The following FSD1L variants were observed in gnomAD, a reference collection of about 807,000 sequenced individuals.
FSD1L encodes fibronectin type III and SPRY domain containing 1 like.
A neutral mutation model predicts 71.6 loss-of-function variants in FSD1L; 45 were observed. The observed-to-expected ratio is 0.63, with a 90% CI of 0.49 to 0.81. The LOEUF (loss-of-function observed/expected upper bound fraction) is 0.81. Among genes scored for constraint, FSD1L ranks in the 30% least tolerant of loss-of-function variants. The pLI is 0.00. For synonymous variants in FSD1L, 197 were observed against 207.2 expected (o/e 0.95, Z 0.42); for missense variants, 561 against 618.1 (o/e 0.91, Z 0.98).
At position 105,484,463 on chromosome 9, in the gene FSD1L, C is replaced by T; in HGVS notation, c.547C>T (p.Gln183Ter). 2 of 1,530,162 alleles carry T rather than the reference C, an allele frequency of 1.3e-6. No individual in the cohort carries two copies. Among genetic ancestry groups the T allele is most frequent in the Non-Finnish European group, 1.8e-6 (2 of 1,138,616 alleles). 94.8% of individuals were successfully genotyped at this position (1,530,162 alleles called of 1,614,324 possible). Residue 183 changes from glutamine (Q) to a stop codon, truncating the protein, a stop_gained, in exon 7 of 14, where the codon CAG becomes TAG. Transcript: ENST00000481272. LOFTEE classifies it high-confidence loss of function. ...GACTCATTTAATGGTGGATTTCTCA[C>T]AGGAAAGACAGATGCTGCAAACTTT... ...NMTHLMVDFS[Q>*]ERQMLQTLKF...
chr9:105,535,075 G>A lies in FSD1L; in HGVS notation c.1135G>A (p.Ala379Thr). 6.4e-7 allele frequency: 1 copy of A among 1,551,528 alleles called. No homozygotes were observed. Among genetic ancestry groups the A allele is most frequent in the Non-Finnish European group, 8.7e-7 (1 of 1,146,890 alleles). The change falls in exon 12 of 14, where the codon GCT (alanine) becomes ACT (threonine). Residue 379 changes from alanine to threonine, a missense_variant. Ala to Thr is a moderately conservative substitution (Grantham distance 58). Transcript: ENST00000481272. ...TTTCTGATCTTTTGTAGGAGACACT[G>A]CTATTGAAAGTGGACAACATTATTG... is the stretch of plus-strand genomic sequence containing the variant. The part of the protein sequence containing the change: ...GESYTVLGDT[A>T]IESGQHYWEV...
In FSD1L at chr9:105,552,107, T is replaced by G. The variant is rs1239010530; in HGVS notation, c.*5624T>G. ...TATCTGAATCTACAGATTTAGTATGTCTATTATCTGGACATGATTTTGCTA... is the reference window on the plus strand; with the variant it reads ...TATCTGAATCTACAGATTTAGTATGGCTATTATCTGGACATGATTTTGCTA... On this transcript the variant is annotated 3_prime_UTR_variant, in exon 14 of 14. Coordinates refer to ENST00000481272, the MANE Select transcript of FSD1L (RefSeq NM_001145313.3). 1 of 152,240 alleles carries G rather than the reference T, an allele frequency of 6.6e-6. No homozygotes were observed. Among genetic ancestry groups the G allele is most frequent in the African/African-American group, 2.4e-5 (1 of 41,456 alleles). The allele number at this position is 152,240 out of a possible 1,614,324, so 9.4% of individuals were successfully genotyped here.
intron 7 of FSD1L, among the ~76,000 whole-genome samples, chr9:105,502,570 A>G (rs576379618): frequency 7.7e-4 from 117 of 152,290 alleles, no homozygotes; most frequent in Non-Finnish European, 1.4e-3. Flanking sequence ...CCTAAAATCC[A>G]GTGTATACAT....
intron 7 of FSD1L, among the ~76,000 whole-genome samples, chr9:105,496,867 G>A (rs1833444816): frequency 6.6e-6 from 1 of 152,158 alleles, no homozygotes; most frequent in Non-Finnish European, 1.5e-5. Context: ...ACCTTGTATT[G>A]TCGTACTGCA....
chr9:105,544,896 T>G (rs1270926905), intron 13 of FSD1L, among the ~76,000 whole-genome samples: 2 of 152,178 alleles, frequency 1.3e-5, no homozygotes, highest in Non-Finnish European at 2.9e-5. Flanking sequence ...CTTAGGATTG[T>G]CTTGGCAATG....
At chr9:105,522,014 C>T in intron 10 of FSD1L, 2 of 1,613,146 alleles carry the variant, frequency 1.2e-6, no homozygotes, top group Non-Finnish European at 1.7e-6. Flanking sequence ...TTGTGTTGCT[C>T]AGAGTCACGG....
At chr9:105,461,966 A>AG (rs1830728271) in intron 2 of FSD1L, among the ~76,000 whole-genome samples, 1 of 152,042 alleles carries the variant, frequency 6.6e-6, no homozygotes, top group South Asian at 2.1e-4. Context: ...CAAAAAAAAA[A>AG]AAAAGGCTTC....
chr9:105,487,393 A>G (rs190922631), intron 7 of FSD1L, among the ~76,000 whole-genome samples: 3 of 151,086 alleles, frequency 2.0e-5, no homozygotes, highest in Admixed American at 1.3e-4. Context: ...GAATGCCTGT[A>G]TTGTTATACT....
In FSD1L at chr9:105,461,581, T is replaced by TGATC; in HGVS notation, c.77_78insGATC (p.Ile26MetfsTer10). ...AAAGCCTGTTTTCTGATCTCTAACA[T>TGATC]CACTATTGGACCAGAGTCTATTAAC... is the stretch of plus-strand genomic sequence containing the variant. On this transcript the variant is annotated frameshift_variant, in exon 2 of 14. Transcript: ENST00000481272. LOFTEE classifies it high-confidence loss of function. The TGATC allele has an allele frequency of 6.4e-7, 1 of 1,551,704 alleles. No homozygotes were observed. The highest frequency in any genetic ancestry group is 1.2e-5 in the South Asian group (1 of 84,052).
rs145926775 is a variant in FSD1L, at chr9:105,505,349, C to G, written c.587-1050C>G. ...GATCTCGGCTCACTGCAATCTCTGC[C>G]TCCTGGGTTCAAGCAATTCTTCTGC... On this transcript the variant is annotated intron_variant, in intron 7 of 13. Transcript: ENST00000481272. Among the ~76,000 whole-genome samples the G allele has an allele frequency of 1.6e-3, 237 of 152,302 alleles. 5 individuals carry two copies. In the East Asian group the frequency reaches 0.035, roughly 23 times the overall value.
intron 7 of FSD1L, among the ~76,000 whole-genome samples, chr9:105,495,389 C>T (rs1340494253): frequency 6.6e-6 from 1 of 152,174 alleles, no homozygotes; most frequent in Non-Finnish European, 1.5e-5. Context: ...CCTGATTTTC[C>T]AGGTGCCGTC....
intron 10 of FSD1L, chr9:105,522,295 A>T (rs1000440515): frequency 9.9e-6 from 16 of 1,613,824 alleles, no homozygotes; most frequent in Admixed American, 6.7e-5. Context: ...TATAGTTTGG[A>T]TCTCAGTGAT....
intron 6 of FSD1L, among the ~76,000 whole-genome samples, chr9:105,481,363 C>T (rs1832191699): frequency 6.6e-6 from 1 of 151,070 alleles, no homozygotes; most frequent in Admixed American, 6.6e-5. Context: ...TGGCTCACTG[C>T]AGCCTCTGCC....
At chr9:105,544,635 T>C (rs1254625368) in intron 13 of FSD1L, among the ~76,000 whole-genome samples, 1 of 152,210 alleles carries the variant, frequency 6.6e-6, no homozygotes, top group Non-Finnish European at 1.5e-5. Context: ...AGTTTCAGCT[T>C]TCTACATATG....
At position 105,548,532 on chromosome 9, in the gene FSD1L, A is replaced by G. The variant is rs965954771; in HGVS notation, c.*2049A>G. The G allele has an allele frequency of 1.3e-5, 2 of 152,440 alleles. No homozygotes were observed. Among genetic ancestry groups the G allele is most frequent in the Non-Finnish European group, 2.9e-5 (2 of 67,936 alleles). 9.4% of individuals were successfully genotyped at this position (152,440 alleles called of 1,614,324 possible). ...TCAACTGATGTTTAAGCTACAGAGC[A>G]TTGTTGTAGTGGTGAGGGCCCTCTG... On this transcript the variant is annotated 3_prime_UTR_variant, in exon 14 of 14. Transcript: ENST00000481272.
intron 10 of FSD1L, among the ~76,000 whole-genome samples, chr9:105,514,753 T>C (rs1229460928): frequency 6.6e-6 from 1 of 152,166 alleles, no homozygotes; most frequent in African/African-American, 2.4e-5. Context: ...AGAATGGCAC[T>C]GGGTGAAGGT....
At chr9:105,519,891 G>A (rs557894248) in intron 10 of FSD1L, among the ~76,000 whole-genome samples, 1 of 152,222 alleles carries the variant, frequency 6.6e-6, no homozygotes, top group Non-Finnish European at 1.5e-5. Context: ...TGCAGGGCCG[G>A]GAGAGGGATC....
chr9:105,483,327 C>T (rs1340022775), intron 6 of FSD1L, among the ~76,000 whole-genome samples: 1 of 152,130 alleles, frequency 6.6e-6, no homozygotes, highest in African/African-American at 2.4e-5. Flanking sequence ...GCAAGTTTGA[C>T]ATCTTTCATT....
chr9:105,516,114 G>T lies in FSD1L; in HGVS notation c.1025+3178G>T, dbSNP rs548670261. 5.3e-5 allele frequency among the ~76,000 whole-genome samples: 8 copies of T among 152,306 alleles called. No homozygotes were observed. The South Asian group carries it at 1.5e-3, about 28-fold the overall frequency. On this transcript the variant is annotated intron_variant, in intron 10 of 13. Transcript: ENST00000481272. ...ACTAGGTAGAGCCCACTGCAGCTCAGCAAGGCCACTGTGGCCAGACTGCCA... is the reference window on the plus strand; with the variant it reads ...ACTAGGTAGAGCCCACTGCAGCTCATCAAGGCCACTGTGGCCAGACTGCCA...
Sources: allele counts gnomAD v4.1 joint callset (sites outside exome capture counted in the v4.1 genomes callset), GRCh38; gene constraint gnomAD v4.1.1; transcripts MANE v1.5; gene names NCBI Gene and HGNC (gene_info 2026-07-23, HGNC 2026-07-21).